RAP1GDS1: variants seen among roughly 807,000 people sequenced by gnomAD.
RAP1GDS1 encodes the protein Rap1 GTPase-GDP dissociation stimulator 1.
Under a neutral mutation model 71.1 loss-of-function variants are expected in RAP1GDS1, and 35 were observed. The ratio of observed to expected loss-of-function variants is 0.49; its 90% CI spans 0.38 to 0.65. The LOEUF (loss-of-function observed/expected upper bound fraction) is 0.65. RAP1GDS1 is among the 30% of genes least tolerant of loss of function. RAP1GDS1 has a pLI of 0.00. For synonymous variants in RAP1GDS1, 229 were observed against 243.1 expected, an observed-to-expected ratio of 0.94 and a Z score of 0.54; for missense variants, 663 against 706.1, an observed-to-expected ratio of 0.94 and a Z score of 0.69.
chr4:98,328,314 G>GA (rs1361106233), intron 2 of RAP1GDS1, among the ~76,000 whole-genome samples: 2 of 152,066 alleles, frequency 1.3e-5, no homozygotes, highest in African/African-American at 4.8e-5. Context: ...CCTATCAAGT[G>GA]AAAAAAAGTA....
chr4:98,350,798 A>G (rs954678504), intron 3 of RAP1GDS1, among the ~76,000 whole-genome samples: 2 of 152,176 alleles, frequency 1.3e-5, no homozygotes, highest in African/African-American at 4.8e-5. Flanking sequence ...AGACTGTGCC[A>G]TTGCACTCCA....
At chr4:98,389,246 CTCTT>C (rs1304954737) in intron 5 of RAP1GDS1, among the ~76,000 whole-genome samples, 1 of 151,796 alleles carries the variant, frequency 6.6e-6, no homozygotes, top group Non-Finnish European at 1.5e-5. Context: ...TCTAGGAGGC[CTCTT>C]TCTTTGTCCA....
chr4:98,400,423 G>A (rs976698160), intron 6 of RAP1GDS1, among the ~76,000 whole-genome samples: 1 of 151,634 alleles, frequency 6.6e-6, no homozygotes, highest in Admixed American at 6.6e-5. Context: ...GCAACAACAT[G>A]GATGGAACTG....
chr4:98,422,906 G>T (rs909646447), intron 12 of RAP1GDS1, among the ~76,000 whole-genome samples: 4 of 152,176 alleles, frequency 2.6e-5, no homozygotes, highest in Non-Finnish European at 4.4e-5. Context: ...ATGTTGGCAA[G>T]GTGGAAGTTG....
chr4:98,421,105 C>A, intron 11 of RAP1GDS1, 150 bp from the exon 12 acceptor site: 1 of 782,614 alleles, frequency 1.3e-6, no homozygotes, highest in Non-Finnish European at 1.9e-6. Context: ...GCAAATAGCC[C>A]ATCACATAAG....
At chr4:98,282,773 C>T (rs1289223111) in intron 1 of RAP1GDS1, among the ~76,000 whole-genome samples, 1 of 152,098 alleles carries the variant, frequency 6.6e-6, no homozygotes, top group Non-Finnish European at 1.5e-5. Flanking sequence ...ATACATTTCC[C>T]TCTACACACT....
intron 1 of RAP1GDS1, among the ~76,000 whole-genome samples, chr4:98,274,485 T>C (rs1723928879): frequency 1.3e-5 from 2 of 152,304 alleles, no homozygotes; most frequent in South Asian, 4.1e-4. Flanking sequence ...TCCCTATTGA[T>C]GAATAATAGA....
chr4:98,281,820 G>T (rs186496473), intron 1 of RAP1GDS1, among the ~76,000 whole-genome samples: 2 of 152,106 alleles, frequency 1.3e-5, no homozygotes, highest in Non-Finnish European at 2.9e-5. Context: ...TAGCATGAAG[G>T]GCTGTTGAAT....
chr4:98,262,237 T>G (rs1038246985), intron 1 of RAP1GDS1, among the ~76,000 whole-genome samples: 1 of 152,234 alleles, frequency 6.6e-6, no homozygotes, highest in Non-Finnish European at 1.5e-5. Flanking sequence ...AATATTCCCG[T>G]GCCCAGCCTA....
At chr4:98,432,626 A>C (rs531853503) in intron 12 of RAP1GDS1, among the ~76,000 whole-genome samples, 11 of 152,232 alleles carry the variant, frequency 7.2e-5, no homozygotes, top group African/African-American at 2.6e-4. Flanking sequence ...TTTCTCAAAA[A>C]ATTTTTATGA....
At chr4:98,427,616 GC>G (rs1199409341) in intron 12 of RAP1GDS1, among the ~76,000 whole-genome samples, 1 of 151,824 alleles carries the variant, frequency 6.6e-6, no homozygotes, top group African/African-American at 2.4e-5. Context: ...TACAATAGCT[GC>G]AAAAAATAAA....
chr4:98,360,115 A>G (rs1258517829), intron 4 of RAP1GDS1, among the ~76,000 whole-genome samples: 1 of 152,212 alleles, frequency 6.6e-6, no homozygotes, highest in Non-Finnish European at 1.5e-5. Flanking sequence ...TTACCTTAAA[A>G]TTGTAGGACA....
chr4:98,426,347 C>T (rs920321441), intron 12 of RAP1GDS1, among the ~76,000 whole-genome samples: 3 of 151,852 alleles, frequency 2.0e-5, no homozygotes, highest in African/African-American at 7.3e-5. Context: ...AACCCATACC[C>T]AGCAGAAGAA....
chr4:98,318,122 C>T (rs1425382932), intron 2 of RAP1GDS1, among the ~76,000 whole-genome samples: 3 of 152,100 alleles, frequency 2.0e-5, no homozygotes, highest in Non-Finnish European at 2.9e-5. Flanking sequence ...GGATTACAGG[C>T]GTGAGCCACC....
intron 7 of RAP1GDS1, among the ~76,000 whole-genome samples, chr4:98,405,220 AAAT>A (rs1489820487): frequency 6.6e-6 from 1 of 152,210 alleles, no homozygotes; most frequent in Non-Finnish European, 1.5e-5. Flanking sequence ...AAGCTAGCTT[AAAT>A]AATTTAGAAG....
intron 1 of RAP1GDS1, among the ~76,000 whole-genome samples, chr4:98,264,900 C>T (rs1722519448): frequency 6.6e-6 from 1 of 152,010 alleles, no homozygotes; most frequent in African/African-American, 2.4e-5. Context: ...CATTGTTTGG[C>T]TAGAGCAAAA....
chr4:98,436,926 T>A lies in RAP1GDS1; in HGVS notation c.1568-14T>A, dbSNP rs760989878. 4.4e-6 allele frequency: 7 copies of A among 1,586,424 alleles called. No homozygotes were observed. In the Admixed American group the frequency reaches 1.3e-4, roughly 29 times the overall value. ...GGGTTCGTACGCAGTAGATATACTT[T>A]GTTTTATTTGTAGGCACTGCTGAGA... On this transcript the variant is annotated splice_polypyrimidine_tract_variant and intron_variant, in intron 13 of 14. Transcript: ENST00000408927.
At chr4:98,302,883 TA>T (rs1353567348) in intron 2 of RAP1GDS1, among the ~76,000 whole-genome samples, 1 of 152,118 alleles carries the variant, frequency 6.6e-6, no homozygotes, top group South Asian at 2.1e-4. Context: ...TCGTCTCTAC[TA>T]AAAATACAAA....
intron 6 of RAP1GDS1, among the ~76,000 whole-genome samples, chr4:98,402,722 C>T (rs1025836601): frequency 1.3e-5 from 2 of 152,036 alleles, no homozygotes; most frequent in Non-Finnish European, 2.9e-5. Flanking sequence ...CAGAGACTAG[C>T]GAGCAGAATG....
Sources: allele counts gnomAD v4.1 joint callset (sites outside exome capture counted in the v4.1 genomes callset), GRCh38; gene constraint gnomAD v4.1.1; transcripts MANE v1.5; gene names NCBI Gene and HGNC (gene_info 2026-07-23, HGNC 2026-07-21).